PDZRN4: variants seen among roughly 807,000 people sequenced by gnomAD.
PDZRN4 encodes the protein PDZ domain-containing RING finger protein 4.
A neutral mutation model predicts 99.0 loss-of-function variants in PDZRN4; 70 were observed. That is an observed-to-expected ratio of 0.71 (90% CI 0.58 to 0.86). The LOEUF (loss-of-function observed/expected upper bound fraction) is 0.86, where lower values mean the gene tolerates loss of function less well. PDZRN4 is among the 40% of genes least tolerant of loss of function. The pLI is 0.00. For synonymous variants in PDZRN4, 551 were observed against 501.6 expected (o/e 1.10, Z -1.32); for missense variants, 1,474 against 1,331.2 (o/e 1.11, Z -1.67).
intron 3 of PDZRN4, among the ~76,000 whole-genome samples, chr12:41,396,690 A>T (rs1433189623): frequency 5.9e-5 from 9 of 152,244 alleles, no homozygotes; most frequent in African/African-American, 2.2e-4. Context: ...ACTTCCAATC[A>T]CATTTGTGAT....
intron 3 of PDZRN4, among the ~76,000 whole-genome samples, chr12:41,369,897 C>T (rs7954106): frequency 0.63 from 95,918 of 151,658 alleles, 30,802 homozygotes; most frequent in East Asian, 0.78. Context: ...TTAATCCAGA[C>T]CTATTCCCAT....
At chr12:41,238,851 T>C (rs1305825510) in intron 3 of PDZRN4, among the ~76,000 whole-genome samples, 2 of 152,202 alleles carry the variant, frequency 1.3e-5, no homozygotes, top group Non-Finnish European at 2.9e-5. Flanking sequence ...GGAATGCTTT[T>C]ACACTGTTGG....
intron 3 of PDZRN4, among the ~76,000 whole-genome samples, chr12:41,398,410 G>A (rs1015570803): frequency 7.2e-5 from 11 of 151,886 alleles, no homozygotes; most frequent in Admixed American, 6.6e-4. Context: ...AAAAAAAGTA[G>A]TTCAAGTTAG....
Position 41,188,821 on chromosome 12 carries a change from G to A in PDZRN4, c.366G>A (p.Leu122=). 1 of 1,323,614 alleles carries A rather than the reference G, an allele frequency of 7.6e-7. No homozygotes were observed. Among genetic ancestry groups the A allele is most frequent in the South Asian group, 2.0e-5 (1 of 49,756 alleles). 82.0% of individuals were successfully genotyped at this position (1,323,614 alleles called of 1,614,324 possible). A position where few individuals can be genotyped will look rare whatever the true frequency, so the allele number is the denominator to read the frequency against. Residue 122 remains leucine, a synonymous_variant, in exon 1 of 10, where the codon CTG becomes CTA. Coordinates refer to ENST00000402685, the MANE Select transcript of PDZRN4 (RefSeq NM_001164595.2). ...LRSRGGCASG[L]GGGEVPARGG... is the part of the protein sequence containing the mutation. Reference sequence around the variant, plus strand: ...GCCGCGGGGGCTGCGCTTCGGGGCTGGGCGGTGGTGAGGTGCCCGCGCGGG... The same window carrying A: ...GCCGCGGGGGCTGCGCTTCGGGGCTAGGCGGTGGTGAGGTGCCCGCGCGGG...
At chr12:41,211,839 C>T (rs1950890573) in intron 3 of PDZRN4, among the ~76,000 whole-genome samples, 1 of 151,942 alleles carries the variant, frequency 6.6e-6, no homozygotes, top group African/African-American at 2.4e-5. Context: ...ACCAGAAACC[C>T]ATCACGAGGC....
At chr12:41,544,426 A>T (rs1938912747) in intron 5 of PDZRN4, among the ~76,000 whole-genome samples, 1 of 152,212 alleles carries the variant, frequency 6.6e-6, no homozygotes, top group South Asian at 2.1e-4. Context: ...TTAGCAGTTA[A>T]CTAATTCAAC....
At chr12:41,552,822 A>T in intron 6 of PDZRN4, 68 bp downstream of exon 6, 1 of 1,219,588 alleles carries the variant, frequency 8.2e-7, no homozygotes, top group Non-Finnish European at 1.2e-6. Flanking sequence ...ATGACTCACA[A>T]TGAGAAAACC....
chr12:41,203,283 C>T (rs1372270326), intron 3 of PDZRN4, among the ~76,000 whole-genome samples: 4 of 151,980 alleles, frequency 2.6e-5, no homozygotes, highest in South Asian at 4.1e-4. Flanking sequence ...GGCATAGAAT[C>T]GCTACCAAGA....
At chr12:41,266,525 C>G (rs1951278323) in intron 3 of PDZRN4, among the ~76,000 whole-genome samples, 1 of 152,118 alleles carries the variant, frequency 6.6e-6, no homozygotes, top group Non-Finnish European at 1.5e-5. Context: ...AGCTAGATCC[C>G]AGGCTACTCT....
intron 5 of PDZRN4, among the ~76,000 whole-genome samples, chr12:41,518,288 G>A (rs1217830598): frequency 6.6e-6 from 1 of 151,974 alleles, no homozygotes; most frequent in Non-Finnish European, 1.5e-5. Flanking sequence ...TCCAATCTAT[G>A]CATTTCAGAT....
intron 3 of PDZRN4, among the ~76,000 whole-genome samples, chr12:41,300,620 G>C (rs532333891): frequency 2.4e-4 from 36 of 151,368 alleles, no homozygotes; most frequent in African/African-American, 8.5e-4. Flanking sequence ...ATACTCATTC[G>C]GCCTCAGGAT....
intron 3 of PDZRN4, among the ~76,000 whole-genome samples, chr12:41,293,060 G>C (rs1158422406): frequency 6.6e-6 from 1 of 151,170 alleles, no homozygotes; most frequent in African/African-American, 2.4e-5. Flanking sequence ...GGCTGGAAGT[G>C]AAAGGGAGAT....
intron 3 of PDZRN4, among the ~76,000 whole-genome samples, chr12:41,313,012 A>G (rs1951617158): frequency 6.6e-6 from 1 of 152,168 alleles, no homozygotes; most frequent in Admixed American, 6.5e-5. Flanking sequence ...ACATAAACTC[A>G]GGACACTTAT....
At chr12:41,193,506 G>A (rs965471227) in intron 2 of PDZRN4, among the ~76,000 whole-genome samples, 10 of 152,162 alleles carry the variant, frequency 6.6e-5, no homozygotes, top group African/African-American at 2.4e-4. Context: ...GTAACGATGA[G>A]TTTGCATGGG....
At chr12:41,555,604 AC>A (rs1287873938) in intron 6 of PDZRN4, 93 bp from the exon 7 acceptor site, 2 of 948,304 alleles carry the variant, frequency 2.1e-6, no homozygotes, top group African/African-American at 3.3e-5. Flanking sequence ...GAATTTTGAA[AC>A]AGCTTTTTCA....
intron 3 of PDZRN4, among the ~76,000 whole-genome samples, chr12:41,371,017 A>G (rs972311586): frequency 6.6e-6 from 1 of 151,424 alleles, no homozygotes; most frequent in East Asian, 1.9e-4. Flanking sequence ...GATGATTTTC[A>G]GTATCAACCG....
In PDZRN4 at chr12:41,510,161, G is replaced by A. The variant is rs570249560; in HGVS notation, c.1203+248G>A. ...TTGTTGCTTTTTAATAAATAATATT[G>A]CAACAGCTACATTTTTAAAATCTGT... On this transcript the variant is annotated intron_variant, in intron 5 of 9. Coordinates refer to ENST00000402685, the MANE Select transcript of PDZRN4 (RefSeq NM_001164595.2). 7.2e-5 allele frequency among the ~76,000 whole-genome samples: 11 copies of A among 152,080 alleles called. No homozygotes were observed. The East Asian group carries it at 1.5e-3, about 21-fold the overall frequency.
chr12:41,566,353 T>A (rs1229444453), intron 8 of PDZRN4, among the ~76,000 whole-genome samples: 2 of 152,148 alleles, frequency 1.3e-5, no homozygotes, highest in African/African-American at 2.4e-5. Flanking sequence ...TTTTAAGTAA[T>A]TTTTTATGAT....
intron 3 of PDZRN4, among the ~76,000 whole-genome samples, chr12:41,486,531 G>A (rs561897832): frequency 1.3e-5 from 2 of 152,198 alleles, no homozygotes; most frequent in African/African-American, 4.8e-5. Flanking sequence ...AGTGAATGAG[G>A]GTTTATGATT....
Sources: gnomAD v4.1 joint callset for allele counts (sites outside exome capture counted in the v4.1 genomes callset) on GRCh38, gnomAD v4.1.1 for gene constraint, MANE v1.5 for transcripts, NCBI Gene and HGNC (gene_info 2026-07-23, HGNC 2026-07-21) for gene names.